The following PPP1R37 variants were observed in gnomAD, a reference collection of about 807,000 sequenced individuals.
PPP1R37 encodes the protein protein phosphatase 1 regulatory subunit 37.
A neutral mutation model predicts 61.0 loss-of-function variants in PPP1R37; 21 were observed. The ratio of observed to expected loss-of-function variants is 0.34; its 90% CI spans 0.24 to 0.50. The LOEUF (loss-of-function observed/expected upper bound fraction) is 0.50. Among genes scored for constraint, PPP1R37 ranks in the 20% least tolerant of loss-of-function variants. PPP1R37 has a pLI of 0.98. For missense variants in PPP1R37, 910 were observed against 952.7 expected, an observed-to-expected ratio of 0.96 and a Z score of 0.59; for synonymous variants, 443 against 433.5, an observed-to-expected ratio of 1.02 and a Z score of -0.27.
chr19:45,141,229 C>T, intron 4 of PPP1R37, 93 bp from the exon 5 acceptor site: 1 of 1,394,380 alleles, frequency 7.2e-7, no homozygotes, highest in Non-Finnish European at 9.5e-7. Context: ...ACCCTGGACC[C>T]ATCGTCTCTC....
intron 8 of PPP1R37, 88 bp from the exon 9 acceptor site, chr19:45,144,766 T>G: frequency 8.4e-7 from 1 of 1,186,070 alleles, no homozygotes; most frequent in Non-Finnish European, 1.2e-6. Flanking sequence ...CGGGCCTGGC[T>G]CTCTTCCCGG....
chr19:45,126,472 G>A (rs568081159), intron 1 of PPP1R37, among the ~76,000 whole-genome samples: 7 of 152,282 alleles, frequency 4.6e-5, no homozygotes, highest in East Asian at 1.9e-4. Flanking sequence ...TTCGAGGCCC[G>A]CATGCTGTGG....
At chr19:45,144,553 C>T (rs1382074258) in intron 8 of PPP1R37, 2 of 413,066 alleles carry the variant, frequency 4.8e-6, no homozygotes, top group Non-Finnish European at 8.6e-6. Flanking sequence ...TCCTTGGGGG[C>T]TTCAGGGCGC....
rs748663819 is a variant in PPP1R37, at chr19:45,121,157, C to G, written c.203-17357C>G. 5.9e-5 allele frequency among the ~76,000 whole-genome samples: 9 copies of G among 152,152 alleles called. No individual in the cohort carries two copies. Among genetic ancestry groups the G allele is most frequent in the Non-Finnish European group, 1.3e-4 (9 of 68,038 alleles). On this transcript the variant is annotated intron_variant, in intron 1 of 12. Coordinates refer to ENST00000221462, the MANE Select transcript of PPP1R37 (RefSeq NM_019121.2). The surrounding 1 kb of genome is among the most constrained non-coding windows in gnomAD (Gnocchi z 4.2). Reference sequence around the variant, plus strand: ...AGAAGGGCCCCAAGCAGTGTTTGTTCTCTTCCCCCATGCCTCTCTGCTGAG... The same window carrying G: ...AGAAGGGCCCCAAGCAGTGTTTGTTGTCTTCCCCCATGCCTCTCTGCTGAG...
chr19:45,106,575 G>A (rs374463209), intron 1 of PPP1R37, among the ~76,000 whole-genome samples: 7 of 151,902 alleles, frequency 4.6e-5, no homozygotes, highest in Middle Eastern at 3.4e-3. Context: ...TTCCTCTGTC[G>A]CCCAGGCTGG....
At chr19:45,098,217 GGAGC>G (rs140807239) in intron 1 of PPP1R37, among the ~76,000 whole-genome samples, 19,243 of 152,190 alleles carry the variant, frequency 0.13, 1,679 homozygotes, top group African/African-American at 0.25. Context: ...GTGCCCGTGG[GGAGC>G]GAGCTAGCCG....
intron 1 of PPP1R37, among the ~76,000 whole-genome samples, chr19:45,107,739 T>C (rs1599692328): frequency 6.6e-6 from 1 of 152,372 alleles, no homozygotes; most frequent in East Asian, 1.9e-4. Flanking sequence ...GTAATGCCAG[T>C]GCATTTCCTT....
chr19:45,116,322 G>A (rs1354847836), intron 1 of PPP1R37, among the ~76,000 whole-genome samples: 2 of 152,324 alleles, frequency 1.3e-5, no homozygotes, highest in East Asian at 1.9e-4. Flanking sequence ...GAGTGGGCAG[G>A]CCTTGCCCAC....
chr19:45,140,386 G>A (rs906455744), intron 3 of PPP1R37, 105 bp downstream of exon 3: 16 of 1,274,678 alleles, frequency 1.3e-5, no homozygotes, highest in Admixed American at 2.0e-5. Flanking sequence ...TTCTGGAGCT[G>A]AGCTCAGCCA....
At chr19:45,118,658 G>A (rs1037789763) in intron 1 of PPP1R37, among the ~76,000 whole-genome samples, 11 of 152,176 alleles carry the variant, frequency 7.2e-5, no homozygotes, top group Non-Finnish European at 1.3e-4. Flanking sequence ...TGTGCCAGGA[G>A]CCCCAGCTTC....
rs1351043133 is a variant in PPP1R37 at position 45,093,417 on chromosome 19, C to T, written c.92C>T (p.Ala31Val). 2 of 1,534,480 alleles carry T rather than the reference C, an allele frequency of 1.3e-6. No homozygotes were observed. The highest frequency in any genetic ancestry group is 2.7e-5 in the African/African-American group (2 of 72,898). ...GCTGAGGCCGGGTCTCCCAGCCCCG[C>T]GTCGCCCCCCGCCGATGGGCGCCTC... is the stretch of plus-strand genomic sequence containing the variant. ...APAEAGSPSP[A>V]SPPADGRLKA... Residue 31 changes from alanine (A) to valine (V), a missense_variant, in exon 1 of 13, where the codon GCG becomes GTG. Coordinates refer to ENST00000221462, the MANE Select transcript of PPP1R37 (RefSeq NM_019121.2).
intron 4 of PPP1R37, 68 bp downstream of exon 4, chr19:45,140,674 A>C: frequency 8.2e-7 from 1 of 1,216,584 alleles, no homozygotes; most frequent in Non-Finnish European, 1.2e-6. Context: ...TTGGGTGGGG[A>C]GAGGACACTG....
chr19:45,144,700 C>CGGCAG, intron 8 of PPP1R37, 154 bp from the exon 9 acceptor site: 2 of 638,738 alleles, frequency 3.1e-6, no homozygotes, highest in Non-Finnish European at 5.2e-6. Flanking sequence ...GCCAGGCCTG[C>CGGCAG]GGCAGGGCAG....
rs547821277 is a variant in PPP1R37 at position 45,118,501 on chromosome 19, G to A, written c.203-20013G>A. Among the ~76,000 whole-genome samples the A allele has an allele frequency of 2.4e-5, 3 of 125,324 alleles. No homozygotes were observed. The East Asian group carries it at 6.5e-4, about 27-fold the overall frequency. The allele number at this position is 125,324 out of a possible 152,430, so 82.2% of individuals were successfully genotyped here. A position where few individuals can be genotyped will look rare whatever the true frequency, so the allele number is the denominator to read the frequency against. On this transcript the variant is annotated intron_variant, in intron 1 of 12. Coordinates refer to ENST00000221462, the MANE Select transcript of PPP1R37 (RefSeq NM_019121.2). ...CCCTCCTCTTCTTTGTCTTGGGTTG[G>A]GGGTCCCGGCCATATCCCCTTCCCA...
At position 45,144,727 on chromosome 19, in the gene PPP1R37, A is replaced by C. The variant is rs978057443; in HGVS notation, c.988-127A>C. On this transcript the variant is annotated intron_variant, in intron 8 of 12. Transcript: ENST00000221462. ...GCAGGGCAGGACGGCGCCGGTGTTC[A>C]CGCAGGCGCGCGAAAGAAAAGGAGC... 10 of 782,270 alleles carry C rather than the reference A, an allele frequency of 1.3e-5. No individual in the cohort carries two copies. In the Admixed American group the frequency reaches 2.1e-4, roughly 16 times the overall value. 48.5% of individuals were successfully genotyped at this position (782,270 alleles called of 1,614,324 possible).
At chr19:45,120,052 C>A (rs562910765) in intron 1 of PPP1R37, among the ~76,000 whole-genome samples, 4 of 105,744 alleles carry the variant, frequency 3.8e-5, no homozygotes, top group African/African-American at 1.3e-4. Context: ...GAGTCTCACT[C>A]TGTCGCCCAG....
intron 1 of PPP1R37, among the ~76,000 whole-genome samples, chr19:45,115,713 A>G (rs1968257754): frequency 6.6e-6 from 1 of 152,198 alleles, no homozygotes; most frequent in South Asian, 2.1e-4. Flanking sequence ...AGTGGCTCAC[A>G]TCTATAATCC....
At chr19:45,111,999 C>T (rs1179481975) in intron 1 of PPP1R37, among the ~76,000 whole-genome samples, 1 of 150,934 alleles carries the variant, frequency 6.6e-6, no homozygotes, top group Non-Finnish European at 1.5e-5. Flanking sequence ...GAGACAGTCT[C>T]GCTCTGTCGT....
At chr19:45,141,531 G>A in intron 5 of PPP1R37, 90 bp downstream of exon 5, 2 of 1,443,520 alleles carry the variant, frequency 1.4e-6, no homozygotes, top group Non-Finnish European at 1.8e-6. Flanking sequence ...GGCTCTGACT[G>A]CATGAGCTCT....
Sources: gnomAD v4.1 joint callset for allele counts (sites outside exome capture counted in the v4.1 genomes callset) on GRCh38, gnomAD v4.1.1 for gene constraint, Gnocchi (gnomAD v3.1) non-coding constraint, MANE v1.5 for transcripts, NCBI Gene and HGNC (gene_info 2026-07-23, HGNC 2026-07-21) for gene names.